The following BRINP3 variants were observed in gnomAD, a reference collection of about 807,000 sequenced individuals.
BRINP3 encodes the protein BMP/retinoic acid-inducible neural-specific protein 3.
A neutral mutation model predicts 71.0 loss-of-function variants in BRINP3; 19 were observed. That is an observed-to-expected ratio of 0.27 (90% CI 0.19 to 0.39). The LOEUF is 0.39. Ranked by LOEUF, BRINP3 falls within the 10% of genes least tolerant of loss-of-function variation. The pLI is 1.00. For synonymous variants in BRINP3, 380 were observed against 337.7 expected (o/e 1.13, Z -1.37); for missense variants, 959 against 940.8 (o/e 1.02, Z -0.25).
intron 6 of BRINP3, among the ~76,000 whole-genome samples, chr1:190,189,931 G>A (rs1206430353): frequency 6.6e-6 from 1 of 152,124 alleles, no homozygotes; most frequent in African/African-American, 2.4e-5. Context: ...GGGCACATAA[G>A]AAGCCAAATG....
intron 6 of BRINP3, among the ~76,000 whole-genome samples, chr1:190,192,606 A>G (rs1654136817): frequency 6.6e-6 from 1 of 152,096 alleles, no homozygotes; most frequent in Non-Finnish European, 1.5e-5. Context: ...AACTTTCAGT[A>G]AAGATAACTA....
intron 2 of BRINP3, among the ~76,000 whole-genome samples, chr1:190,373,826 AG>A (rs1670020133): frequency 6.6e-6 from 1 of 151,370 alleles, no homozygotes. Flanking sequence ...AACAATTAAA[AG>A]TAATGGCAAA....
intron 6 of BRINP3, among the ~76,000 whole-genome samples, chr1:190,224,411 C>G (rs1365522521): frequency 6.6e-6 from 1 of 151,646 alleles, no homozygotes; most frequent in Non-Finnish European, 1.5e-5. Context: ...ATAAATATTG[C>G]TGGAAAAAAT....
In BRINP3 at chr1:190,164,344, T is replaced by A. The variant is rs547619323; in HGVS notation, c.962-3454A>T. On this transcript the variant is annotated intron_variant, in intron 6 of 7. Transcript: ENST00000367462. ...TCAGTTTTTCATTATTTGTAAGTAA[T>A]TTCTTGAGTTATAAATCAACTAAAA... is the stretch of plus-strand genomic sequence containing the variant. Among the ~76,000 whole-genome samples, 10 of 152,262 alleles carry A rather than the reference T, an allele frequency of 6.6e-5. No individual in the cohort carries two copies. The East Asian group carries it at 1.5e-3, about 23-fold the overall frequency.
At chr1:190,384,845 A>G (rs936585764) in intron 2 of BRINP3, among the ~76,000 whole-genome samples, 1 of 151,866 alleles carries the variant, frequency 6.6e-6, no homozygotes, top group Non-Finnish European at 1.5e-5. Flanking sequence ...CAGATTTATC[A>G]TATAAGAAAC....
intron 2 of BRINP3, among the ~76,000 whole-genome samples, chr1:190,295,618 G>A (rs1664188183): frequency 6.6e-6 from 1 of 152,116 alleles, no homozygotes; most frequent in Non-Finnish European, 1.5e-5. Flanking sequence ...TTACTTGGGT[G>A]GCAGATTCCT....
At chr1:190,386,653 G>A (rs1374846392) in intron 2 of BRINP3, among the ~76,000 whole-genome samples, 1 of 151,904 alleles carries the variant, frequency 6.6e-6, no homozygotes, top group Non-Finnish European at 1.5e-5. Context: ...AGATGCCTGA[G>A]GTGATCCATC....
At chr1:190,402,578 C>T (rs1241763801) in intron 2 of BRINP3, among the ~76,000 whole-genome samples, 1 of 152,068 alleles carries the variant, frequency 6.6e-6, no homozygotes, top group African/African-American at 2.4e-5. Flanking sequence ...GTCCTAGGTT[C>T]ATACACTGGT....
chr1:190,142,658 G>T (rs1039676230), intron 7 of BRINP3, among the ~76,000 whole-genome samples: 2 of 151,200 alleles, frequency 1.3e-5, no homozygotes, highest in Non-Finnish European at 3.0e-5. Flanking sequence ...CACCATACTT[G>T]TCTTCATTTT....
chr1:190,211,892 AT>A (rs758604814), intron 6 of BRINP3, among the ~76,000 whole-genome samples: 1 of 152,118 alleles, frequency 6.6e-6, no homozygotes, highest in Non-Finnish European at 1.5e-5. Context: ...TCAGGCATTG[AT>A]AAGTCATAAT....
chr1:190,429,561 T>G (rs939943676), intron 2 of BRINP3, among the ~76,000 whole-genome samples: 1 of 151,882 alleles, frequency 6.6e-6, no homozygotes, highest in Non-Finnish European at 1.5e-5. Context: ...TATCTAAAGA[T>G]TTTTAAATTT....
intron 1 of BRINP3, among the ~76,000 whole-genome samples, chr1:190,468,935 C>T (rs1057111576): frequency 1.3e-5 from 2 of 150,680 alleles, no homozygotes; most frequent in Non-Finnish European, 3.0e-5. Context: ...AAGCTAGATT[C>T]ACTTCTCTAG....
chr1:190,289,944 A>G (rs1571644833), intron 2 of BRINP3, among the ~76,000 whole-genome samples: 1 of 152,042 alleles, frequency 6.6e-6, no homozygotes. Flanking sequence ...TAACCATTGT[A>G]TTTTTAAGAC....
At chr1:190,381,268 C>T (rs1670530895) in intron 2 of BRINP3, among the ~76,000 whole-genome samples, 1 of 143,128 alleles carries the variant, frequency 7.0e-6, no homozygotes, top group South Asian at 2.2e-4. Flanking sequence ...TTTCCCTCCA[C>T]CAAAACAAAA....
chr1:190,219,003 A>G (rs1334063916), intron 6 of BRINP3, among the ~76,000 whole-genome samples: 1 of 152,042 alleles, frequency 6.6e-6, no homozygotes, highest in Non-Finnish European at 1.5e-5. Context: ...TTTGGGACCA[A>G]CTCCATTCAG....
At chr1:190,214,115 A>T (rs1413971231) in intron 6 of BRINP3, among the ~76,000 whole-genome samples, 2 of 152,038 alleles carry the variant, frequency 1.3e-5, no homozygotes, top group African/African-American at 4.8e-5. Flanking sequence ...AAAACTGAGG[A>T]ATCTTCAAAG....
chr1:190,426,929 A>T (rs548478888), intron 2 of BRINP3, among the ~76,000 whole-genome samples: 1 of 152,048 alleles, frequency 6.6e-6, no homozygotes, highest in Non-Finnish European at 1.5e-5. Context: ...ATTAAAAGAT[A>T]CAATGAATAT....
intron 6 of BRINP3, among the ~76,000 whole-genome samples, chr1:190,187,884 A>C (rs1388940068): frequency 7.1e-6 from 1 of 140,200 alleles, no homozygotes; most frequent in Non-Finnish European, 1.6e-5. Context: ...GTATCGTTCA[A>C]ATTTCAGTTT....
chr1:190,214,357 T>G (rs1286470649), intron 6 of BRINP3, among the ~76,000 whole-genome samples: 1 of 152,088 alleles, frequency 6.6e-6, no homozygotes, highest in Non-Finnish European at 1.5e-5. Flanking sequence ...CAAGCCTCAC[T>G]CATTGTGCTG....
Sources: gnomAD v4.1 joint callset for allele counts (sites outside exome capture counted in the v4.1 genomes callset) on GRCh38, gnomAD v4.1.1 for gene constraint, MANE v1.5 for transcripts, NCBI Gene and HGNC (gene_info 2026-07-23, HGNC 2026-07-21) for gene names.